Variants in INSRR observed in about 807,000 individuals in gnomAD.
INSRR encodes insulin receptor-related protein.
INSRR carries 114 observed loss-of-function variants against 130.0 expected under a neutral mutation model. The ratio of observed to expected loss-of-function variants is 0.88; its 90% CI spans 0.75 to 1.02. INSRR has a LOEUF of 1.02. Ranked by LOEUF, INSRR falls within the 50% of genes least tolerant of loss-of-function variation. The pLI is 0.00. For synonymous variants in INSRR, 674 were observed against 705.2 expected (o/e 0.96, Z 0.70); for missense variants, 1,657 against 1,735.2 (o/e 0.95, Z 0.80).
In INSRR at chr1:156,854,166, G is replaced by A. The variant is rs370858414; in HGVS notation, c.223C>T (p.Arg75Cys). The A allele has an allele frequency of 1.9e-4, 314 of 1,614,008 alleles. No individual in the cohort carries two copies. The highest frequency in any genetic ancestry group is 3.2e-4 in the Admixed American group (19 of 60,010). The change falls in exon 2 of 22, where the codon CGC becomes TGC. Residue 75 changes from arginine to cysteine, a missense_variant. Transcript: ENST00000368195. The surrounding 1 kb of genome is among the most constrained non-coding windows in gnomAD (Gnocchi z 4.2). ...AGGTAGTCGGTGACCTGGGTGAGGCGAGGGAAGCTGAGGCCGCGGAAGTCC... is the reference window on the plus strand; with the variant it reads ...AGGTAGTCGGTGACCTGGGTGAGGCAAGGGAAGCTGAGGCCGCGGAAGTCC... Reference protein sequence around the residue: ...GEDFRGLSFPRLTQVTDYLLL... With the variant: ...GEDFRGLSFPCLTQVTDYLLL...
Position 156,848,984 on chromosome 1 carries a change from C to T in INSRR, c.1508G>A (p.Trp503Ter), listed in dbSNP as rs1655108219. Residue 503 changes from tryptophan to a stop codon, truncating the protein, a stop_gained, in exon 7 of 22, where the codon TGG becomes TAG. Transcript: ENST00000368195. LOFTEE classifies it high-confidence loss of function. ...GGCCTCCAGTGGCTCATAGCGCTCC[C>T]AGCGTAGCAGGATGCGGTCTGCCTC... ...VTEADRILLR[W>*]ERYEPLEARD... is the part of the protein sequence containing the mutation. 6.2e-7 allele frequency: 1 copy of T among 1,611,166 alleles called. No individual in the cohort carries two copies. Among genetic ancestry groups the T allele is most frequent in the Non-Finnish European group, 8.5e-7 (1 of 1,179,104 alleles).
chr1:156,845,138 T>C lies in INSRR; in HGVS notation c.2375A>G (p.His792Arg). 6.2e-7 allele frequency: 1 copy of C among 1,612,056 alleles called. No individual in the cohort carries two copies. ...GCTGCAGCCCACGGTGTGCGCCGCG[T>C]GGTTGCAGGCATGGATGTCGATCCG... ...EYRIDIHACN[H>R]AAHTVGCSAA... Residue 792 changes from histidine to arginine, a missense_variant, in exon 12 of 22, where the codon CAC becomes CGC. Physicochemically the swap from His to Arg is conservative, Grantham distance 29. Coordinates refer to ENST00000368195, the MANE Select transcript of INSRR (RefSeq NM_014215.3).
intron 4 of INSRR, 82 bp from the exon 5 acceptor site, chr1:156,851,516 G>A: frequency 6.2e-7 from 1 of 1,600,176 alleles, no homozygotes; most frequent in Non-Finnish European, 8.6e-7. Context: ...GGGGGCCCCG[G>A]GAAGGTGGGC....
intron 15 of INSRR, 70 bp downstream of exon 15, chr1:156,844,105 C>T: frequency 8.8e-7 from 1 of 1,133,886 alleles, no homozygotes. Context: ...TCATCTACCT[C>T]CCTTTGACAG....
Position 156,845,874 on chromosome 1 carries a change from C to T in INSRR, c.1979-60G>A, listed in dbSNP as rs559005457. The T allele has an allele frequency of 7.5e-6, 12 of 1,600,180 alleles. No homozygotes were observed. In the South Asian group the frequency reaches 1.1e-4, roughly 15 times the overall value. ...GCGGTCTACCCGCCTCTGATCCCCCCCACCTGCCGGGGCCCTGCGCCTCCA... is the reference window on the plus strand; with the variant it reads ...GCGGTCTACCCGCCTCTGATCCCCCTCACCTGCCGGGGCCCTGCGCCTCCA... On this transcript the variant is annotated intron_variant, in intron 9 of 21. Transcript: ENST00000368195.
Position 156,846,555 on chromosome 1 carries a change from G to A in INSRR, c.1774C>T (p.Gln592Ter). The A allele has an allele frequency of 6.2e-7, 1 of 1,614,144 alleles. No individual in the cohort carries two copies. Among genetic ancestry groups the A allele is most frequent in the Admixed American group, 1.7e-5 (1 of 60,016 alleles). Residue 592 changes from glutamine (Q) to a stop codon, truncating the protein, a stop_gained, in exon 8 of 22, where the codon CAG becomes TAG. Coordinates refer to ENST00000368195, the MANE Select transcript of INSRR (RefSeq NM_014215.3). LOFTEE classifies it high-confidence loss of function. ...GTTCGGAGGTAGACGATGGGACTCTGGGCTCCTTGATGAGGGCTGTCCTCC... is the reference window on the plus strand; with the variant it reads ...GTTCGGAGGTAGACGATGGGACTCTAGGCTCCTTGATGAGGGCTGTCCTCC... ...TEEDSPHQGA[Q>*]SPIVYLRTLP...
chr1:156,844,614 A>G lies in INSRR; in HGVS notation c.2585T>C (p.Val862Ala). 6.2e-7 allele frequency: 1 copy of G among 1,614,174 alleles called. No individual in the cohort carries two copies. Among genetic ancestry groups the G allele is most frequent in the Non-Finnish European group, 8.5e-7 (1 of 1,180,004 alleles). ...ATATCGAAGACGGGACACACACAGC[A>G]CTGTGGCCTCCTGAGAGTAACGCAG... ...KYRRLGEEATVLCVSRLRYAK... is the reference protein window; with the variant it reads ...KYRRLGEEATALCVSRLRYAK... Residue 862 changes from valine (V) to alanine (A), a missense_variant, in exon 14 of 22, where the codon GTG (valine) becomes GCG (alanine). Transcript: ENST00000368195.
chr1:156,858,432 C>T, intron 1 of INSRR, 105 bp downstream of exon 1: 4 of 832,886 alleles, frequency 4.8e-6, no homozygotes, highest in Non-Finnish European at 8.4e-6. Flanking sequence ...CCCCCATGTT[C>T]CAGTGCAGAG....
chr1:156,845,860 G>C (rs1413089685), intron 9 of INSRR, 46 bp from the exon 10 acceptor site: 1 of 1,601,438 alleles, frequency 6.2e-7, no homozygotes, highest in Non-Finnish European at 8.5e-7. Context: ...CGGTCTACCC[G>C]CCTCTGATCC....
Position 156,851,975 on chromosome 1 carries a change from G to T in INSRR, c.854C>A (p.Ser285Tyr). ...VTAERCASLH[S>Y]VPGRASTFGI... ...GAAGGTGGAGGCACGGCCGGGCACA[G>T]AGTGCAGGCTGGCACAGCGCTCAGC... The change falls in exon 3 of 22, where the codon TCT becomes TAT. Residue 285 changes from serine to tyrosine, a missense_variant. Ser to Tyr is a moderately radical substitution (Grantham distance 144). Coordinates refer to ENST00000368195, the MANE Select transcript of INSRR (RefSeq NM_014215.3). The T allele has an allele frequency of 1.2e-6, 2 of 1,609,186 alleles. No individual in the cohort carries two copies. Among genetic ancestry groups the T allele is most frequent in the Non-Finnish European group, 1.7e-6 (2 of 1,176,248 alleles).
rs1472444055 is a variant in INSRR at position 156,845,148 on chromosome 1, C to A, written c.2365G>T (p.Ala789Ser). Residue 789 changes from alanine (A) to serine (S), a missense_variant, in exon 12 of 22, where the codon GCC becomes TCC. Transcript: ENST00000368195. ...HFTEYRIDIH[A>S]CNHAAHTVGC... The stretch of plus-strand genomic sequence containing the variant: ...ACGGTGTGCGCCGCGTGGTTGCAGG[C>A]ATGGATGTCGATCCGGTATTCCGTG... 1 of 1,611,880 alleles carries A rather than the reference C, an allele frequency of 6.2e-7. No homozygotes were observed. The highest frequency in any genetic ancestry group is 8.5e-7 in the Non-Finnish European group (1 of 1,179,360).
Position 156,845,427 on chromosome 1 carries a change from G to A in INSRR, c.2175-14C>T. On this transcript the variant is annotated splice_polypyrimidine_tract_variant and intron_variant, in intron 10 of 21. Coordinates refer to ENST00000368195, the MANE Select transcript of INSRR (RefSeq NM_014215.3). Reference sequence around the variant, plus strand: ...TTCCAAGGGGATCTGGGGAGGCCAGGAGTAGCCCTATCAGGCCTGTCCGGA... The same window carrying A: ...TTCCAAGGGGATCTGGGGAGGCCAGAAGTAGCCCTATCAGGCCTGTCCGGA... The A allele has an allele frequency of 3.2e-6, 5 of 1,541,118 alleles. No homozygotes were observed. Among genetic ancestry groups the A allele is most frequent in the Non-Finnish European group, 3.5e-6 (4 of 1,144,076 alleles).
In INSRR at chr1:156,845,663, C is replaced by A; in HGVS notation, c.2130G>T (p.Gln710His). Residue 710 changes from glutamine (Q) to histidine (H), a missense_variant, in exon 10 of 22, where the codon CAG becomes CAT. Transcript: ENST00000368195. ...PPLEAQEASF[Q>H]KKFENFLHNA... The stretch of plus-strand genomic sequence containing the variant: ...TGTGTAGAAAGTTTTCAAACTTCTT[C>A]TGGAACGAGGCCTCTTGCGCCTCCA... The A allele has an allele frequency of 6.2e-7, 1 of 1,610,474 alleles. No homozygotes were observed. Among genetic ancestry groups the A allele is most frequent in the Non-Finnish European group, 8.5e-7 (1 of 1,178,928 alleles).
chr1:156,841,780 G>A lies in INSRR; in HGVS notation c.3412C>T (p.Arg1138Trp), dbSNP rs751031490. ...TAATAGTCTGTCTCATACACGTCCC[G>A]AGTCATCCCGAAGTCTGGAAAGTGA... is the stretch of plus-strand genomic sequence containing the variant. Reference protein sequence around the residue: ...TVKIGDFGMTRDVYETDYYRK... With the variant: ...TVKIGDFGMTWDVYETDYYRK... Residue 1138 changes from arginine (R) to tryptophan (W), a missense_variant, in exon 20 of 22, where the codon CGG becomes TGG. Coordinates refer to ENST00000368195, the MANE Select transcript of INSRR (RefSeq NM_014215.3). 16 of 1,613,980 alleles carry A rather than the reference G, an allele frequency of 9.9e-6. No homozygotes were observed. The highest frequency in any genetic ancestry group is 1.4e-5 in the Non-Finnish European group (16 of 1,180,006).
chr1:156,857,187 G>A (rs897959393), intron 1 of INSRR, among the ~76,000 whole-genome samples: 2 of 126,648 alleles, frequency 1.6e-5, no homozygotes, highest in African/African-American at 6.6e-5. Context: ...GTGTGTGTGT[G>A]TGTGTGTGTG....
chr1:156,844,956 G>A (rs1434994773), intron 12 of INSRR, 113 bp from the exon 13 acceptor site: 19 of 1,551,294 alleles, frequency 1.2e-5, no homozygotes, highest in Non-Finnish European at 8.7e-7. Context: ...GGGATTATGG[G>A]AACTGAGAGG....
chr1:156,854,110 G>C lies in INSRR; in HGVS notation c.279C>G (p.Ser93Arg). 2 of 1,614,132 alleles carry C rather than the reference G, an allele frequency of 1.2e-6. No homozygotes were observed. Among genetic ancestry groups the C allele is most frequent in the Non-Finnish European group, 1.7e-6 (2 of 1,180,042 alleles). The change falls in exon 2 of 22, where the codon AGC (serine) becomes AGG (arginine). Residue 93 changes from serine to arginine, a missense_variant. Transcript: ENST00000368195. The surrounding 1 kb of genome is among the most constrained non-coding windows in gnomAD (Gnocchi z 4.2). The stretch of plus-strand genomic sequence containing the variant: ...CTAGGTTGGGGAAGAGGTCGCGCAG[G>C]CTCTCCAGTCCGTAGACACGGAAGA... ...LLLFRVYGLESLRDLFPNLAV... is the reference protein window; with the variant it reads ...LLLFRVYGLERLRDLFPNLAV...
rs758328689 is a variant in INSRR, at chr1:156,844,180, C to T, written c.2838G>A (p.Lys946=). 1.1e-5 allele frequency: 18 copies of T among 1,612,814 alleles called. No individual in the cohort carries two copies. Among genetic ancestry groups the T allele is most frequent in the Non-Finnish European group, 1.7e-6 (2 of 1,179,188 alleles). ...CCGGTGGGACTTATCATCACCTCTTCTTGCCGTAGAAGAAACCAAGGGCAG... is the reference window on the plus strand; with the variant it reads ...CCGGTGGGACTTATCATCACCTCTTTTTGCCGTAGAAGAAACCAAGGGCAG... ...VLAALGFFYG[K]KRNRTLYASV... The change falls in exon 15 of 22, where the codon AAG becomes AAA. Residue 946 remains lysine (K), a synonymous_variant. Coordinates refer to ENST00000368195, the MANE Select transcript of INSRR (RefSeq NM_014215.3).
At chr1:156,842,651 T>C (rs1654842836) in intron 17 of INSRR, 143 bp from the exon 18 acceptor site, 4 of 649,834 alleles carry the variant, frequency 6.2e-6, no homozygotes, top group Non-Finnish European at 1.1e-5. Context: ...ACTCCTGACC[T>C]AACAATGACC....
Sources: allele counts gnomAD v4.1 joint callset (sites outside exome capture counted in the v4.1 genomes callset), GRCh38; gene constraint gnomAD v4.1.1; non-coding constraint Gnocchi (gnomAD v3.1); transcripts MANE v1.5; gene names NCBI Gene and HGNC (gene_info 2026-07-23, HGNC 2026-07-21).